Variants in FGF14 observed in about 807,000 individuals in gnomAD.
The protein encoded by FGF14 is fibroblast growth factor homologous factor 4.
Under a neutral mutation model 25.5 loss-of-function variants are expected in FGF14, and 5 were observed. The observed-to-expected ratio is 0.20, with a 90% CI of 0.10 to 0.41. The LOEUF is 0.41. FGF14 is among the 10% of genes least tolerant of loss of function. The pLI is 1.00. For synonymous variants in FGF14, 138 were observed against 118.3 expected (o/e 1.17, Z -1.08); for missense variants, 222 against 320.1 (o/e 0.69, Z 2.34).
chr13:101,924,571 A>G (rs1418288555), intron 1 of FGF14, among the ~76,000 whole-genome samples: 1 of 152,216 alleles, frequency 6.6e-6, no homozygotes, highest in Admixed American at 6.5e-5. Flanking sequence ...GTTAAGTGGG[A>G]ATTAATAATA....
At chr13:101,895,915 C>A (rs958999486) in intron 1 of FGF14, among the ~76,000 whole-genome samples, 2 of 152,278 alleles carry the variant, frequency 1.3e-5, no homozygotes, top group East Asian at 3.9e-4. Context: ...CTCAAAGCAT[C>A]TGGTAATCAG....
intron 1 of FGF14, among the ~76,000 whole-genome samples, chr13:102,257,824 A>T (rs1197280558): frequency 6.6e-6 from 1 of 152,176 alleles, no homozygotes; most frequent in Admixed American, 6.5e-5. Flanking sequence ...GGCCACCTTC[A>T]GTCTTCTCCT....
Position 101,943,812 on chromosome 13 carries a change from TAA to T in FGF14, c.209-68518_209-68517del, listed in dbSNP as rs58741547. 6.6e-3 allele frequency among the ~76,000 whole-genome samples: 884 copies of T among 134,196 alleles called. 16 individuals carry two copies. Among genetic ancestry groups the T allele is most frequent in the African/African-American group, 0.023 (743 of 32,610 alleles). 88.0% of individuals were successfully genotyped at this position (134,196 alleles called of 152,430 possible). On this transcript the variant is annotated intron_variant, in intron 1 of 4. Coordinates refer to the FGF14 transcript ENST00000376131. The stretch of plus-strand genomic sequence containing the variant: ...AACATGGAGAATCCCTGTCTCTACT[TAA>T]AAAAAAAAAAAAATATATATATATA...
chr13:101,782,345 C>T (rs867067546), intron 3 of FGF14, among the ~76,000 whole-genome samples: 4 of 152,202 alleles, frequency 2.6e-5, no homozygotes, highest in South Asian at 4.1e-4. Context: ...TGTGCATTCA[C>T]ACCTCGATTG....
chr13:102,248,721 G>A (rs1382201065), intron 1 of FGF14, among the ~76,000 whole-genome samples: 8 of 151,998 alleles, frequency 5.3e-5, no homozygotes, highest in East Asian at 1.9e-4. Context: ...GTTTTAGGAC[G>A]GCTTCAGGTG....
At chr13:102,045,765 T>C (rs2041953760) in intron 1 of FGF14, among the ~76,000 whole-genome samples, 1 of 152,118 alleles carries the variant, frequency 6.6e-6, no homozygotes, top group Admixed American at 6.6e-5. Context: ...AAATCAACTG[T>C]GTGATTAAAG....
intron 3 of FGF14, among the ~76,000 whole-genome samples, chr13:101,824,694 A>G (rs1316313336): frequency 1.3e-5 from 2 of 152,120 alleles, no homozygotes; most frequent in Non-Finnish European, 2.9e-5. Flanking sequence ...AAACCTCCTG[A>G]ATAGTCTTAG....
chr13:101,849,701 T>C (rs2043648509), intron 3 of FGF14, among the ~76,000 whole-genome samples: 1 of 152,104 alleles, frequency 6.6e-6, no homozygotes, highest in Non-Finnish European at 1.5e-5. Flanking sequence ...GAGCATAGTT[T>C]AGGTGTATTT....
chr13:102,165,329 G>A (rs1247373221), intron 1 of FGF14, among the ~76,000 whole-genome samples: 2 of 151,952 alleles, frequency 1.3e-5, no homozygotes, highest in Non-Finnish European at 1.5e-5. Flanking sequence ...ATACCCAAAG[G>A]ATTATAAATC....
chr13:101,858,913 G>T (rs187884659), intron 3 of FGF14, among the ~76,000 whole-genome samples: 6 of 152,134 alleles, frequency 3.9e-5, no homozygotes, highest in Non-Finnish European at 8.8e-5. Flanking sequence ...TCTCCCCTGA[G>T]ATTCTCTCTT....
intron 1 of FGF14, among the ~76,000 whole-genome samples, chr13:102,219,121 A>G (rs534715032): frequency 5.9e-5 from 9 of 152,330 alleles, no homozygotes; most frequent in African/African-American, 2.2e-4. Flanking sequence ...GAAATCTACA[A>G]TAAATTACTG....
intron 1 of FGF14, among the ~76,000 whole-genome samples, chr13:101,887,003 A>G (rs1395651869): frequency 6.6e-6 from 1 of 152,150 alleles, no homozygotes; most frequent in East Asian, 1.9e-4. Flanking sequence ...ATACTATCTC[A>G]CCCCAGTTGA....
At chr13:102,287,135 A>C (rs1365525162) in intron 1 of FGF14, among the ~76,000 whole-genome samples, 1 of 152,246 alleles carries the variant, frequency 6.6e-6, no homozygotes, top group Non-Finnish European at 1.5e-5. Context: ...AATAAAAAAA[A>C]AGAACAAACA....
At chr13:102,361,782 G>A (rs577671060) in intron 1 of FGF14, among the ~76,000 whole-genome samples, 2 of 152,162 alleles carry the variant, frequency 1.3e-5, no homozygotes, top group Non-Finnish European at 2.9e-5. Context: ...CCAATTGGAT[G>A]TGTTCCTTGT....
intron 1 of FGF14, among the ~76,000 whole-genome samples, chr13:102,319,116 G>A (rs2056146227): frequency 6.6e-6 from 1 of 152,054 alleles, no homozygotes. Context: ...AAGTTGGAGT[G>A]CTATAAATAG....
chr13:102,297,614 A>G (rs2054789522), intron 1 of FGF14, among the ~76,000 whole-genome samples: 1 of 152,060 alleles, frequency 6.6e-6, no homozygotes, highest in African/African-American at 2.4e-5. Flanking sequence ...AAAAGGGCAT[A>G]GGGGTTCATG....
chr13:101,745,950 G>C (rs1384666310), intron 3 of FGF14, among the ~76,000 whole-genome samples: 1 of 152,146 alleles, frequency 6.6e-6, no homozygotes, highest in Non-Finnish European at 1.5e-5. Context: ...GTTTCAGACT[G>C]ATTCATTTAT....
chr13:101,778,264 C>A (rs2039263185), intron 3 of FGF14, among the ~76,000 whole-genome samples: 1 of 152,162 alleles, frequency 6.6e-6, no homozygotes, highest in Admixed American at 6.5e-5. Flanking sequence ...CACGTACATT[C>A]TTCTCATCTA....
intron 1 of FGF14, among the ~76,000 whole-genome samples, chr13:102,169,639 G>A (rs980422804): frequency 6.6e-6 from 1 of 152,072 alleles, no homozygotes; most frequent in African/African-American, 2.4e-5. Flanking sequence ...ATGAAGATGC[G>A]CACATGTTAA....
Sources: allele counts gnomAD v4.1 joint callset (sites outside exome capture counted in the v4.1 genomes callset), GRCh38; gene constraint gnomAD v4.1.1; transcripts MANE v1.5; gene names NCBI Gene and HGNC (gene_info 2026-07-23, HGNC 2026-07-21).